Variants in IQUB observed in about 807,000 individuals in gnomAD.
IQUB encodes IQ motif and ubiquitin-like domain-containing protein.
A neutral mutation model predicts 86.4 loss-of-function variants in IQUB; 86 were observed. The observed-to-expected ratio is 1.00, with a 90% CI of 0.84 to 1.19. The LOEUF is 1.19. Among genes scored for constraint, IQUB ranks in the 50% most tolerant of loss-of-function variants. The pLI is 0.00. For synonymous variants in IQUB, 289 were observed against 304.5 expected (o/e 0.95, Z 0.53); for missense variants, 946 against 916.9 (o/e 1.03, Z -0.41).
At chr7:123,524,089 C>T (rs1327297790) in intron 1 of IQUB, among the ~76,000 whole-genome samples, 1 of 147,088 alleles carries the variant, frequency 6.8e-6, no homozygotes, top group Non-Finnish European at 1.5e-5. Context: ...CAGTACCATG[C>T]TGTTTTGGTT....
chr7:123,522,483 A>G lies in IQUB; in HGVS notation c.-4-10139T>C, dbSNP rs772915735. On this transcript the variant is annotated intron_variant, in intron 1 of 12. Coordinates refer to ENST00000324698, the MANE Select transcript of IQUB (RefSeq NM_178827.5). ...TCATATTCCACACTTGTGAAATGGG[A>G]TATTAGTAGTTTCAACATCAAAGTT... 4.6e-5 allele frequency among the ~76,000 whole-genome samples: 7 copies of G among 152,224 alleles called. No homozygotes were observed. In the East Asian group the frequency reaches 1.2e-3, roughly 25 times the overall value.
chr7:123,519,816 A>G (rs1796823266), intron 1 of IQUB, among the ~76,000 whole-genome samples: 1 of 152,242 alleles, frequency 6.6e-6, no homozygotes, highest in African/African-American at 2.4e-5. Flanking sequence ...CAGAACAAAG[A>G]AATGACAAGG....
In IQUB at chr7:123,452,945, A is replaced by G. The variant is rs777305947; in HGVS notation, c.2194-20T>C. Reference sequence around the variant, plus strand: ...ATATCCCTGCAAAGAAAAAAATCAAATTCTAGTAAATATCACAGATATATT... The same window carrying G: ...ATATCCCTGCAAAGAAAAAAATCAAGTTCTAGTAAATATCACAGATATATT... On this transcript the variant is annotated intron_variant, in intron 12 of 12. Transcript: ENST00000324698. The G allele has an allele frequency of 5.6e-5, 89 of 1,578,714 alleles. No individual in the cohort carries two copies. Among genetic ancestry groups the G allele is most frequent in the Non-Finnish European group, 6.9e-5 (80 of 1,157,542 alleles).
At chr7:123,523,483 T>C (rs1797014470) in intron 1 of IQUB, among the ~76,000 whole-genome samples, 1 of 152,190 alleles carries the variant, frequency 6.6e-6, no homozygotes, top group South Asian at 2.1e-4. Context: ...ATGTGTTTTT[T>C]GGCTGCATAA....
At chr7:123,524,546 A>T in intron 1 of IQUB, among the ~76,000 whole-genome samples, 1 of 147,048 alleles carries the variant, frequency 6.8e-6, no homozygotes, top group Non-Finnish European at 1.5e-5. Flanking sequence ...TTGTACATTG[A>T]TTTTGTATCC....
chr7:123,505,041 C>T (rs756111499), intron 3 of IQUB, among the ~76,000 whole-genome samples: 21 of 152,216 alleles, frequency 1.4e-4, no homozygotes, highest in Non-Finnish European at 2.9e-4. Context: ...AACAAAGGGG[C>T]TACACATCTC....
At chr7:123,524,389 G>T (rs1460505800) in intron 1 of IQUB, among the ~76,000 whole-genome samples, 2 of 150,536 alleles carry the variant, frequency 1.3e-5, no homozygotes, top group Non-Finnish European at 3.0e-5. Flanking sequence ...TTGAGCAGTG[G>T]TTTGTAGTTT....
chr7:123,505,290 C>G (rs1208124974), intron 3 of IQUB, among the ~76,000 whole-genome samples: 1 of 152,166 alleles, frequency 6.6e-6, no homozygotes, highest in Non-Finnish European at 1.5e-5. Context: ...ATCTACCATT[C>G]TGGAGTCTGG....
intron 1 of IQUB, among the ~76,000 whole-genome samples, chr7:123,533,900 C>T (rs1797648548): frequency 6.6e-6 from 1 of 152,198 alleles, no homozygotes; most frequent in South Asian, 2.1e-4. Context: ...CAACCTCTAT[C>T]ATGTTTGCAT....
chr7:123,511,980 A>G lies in IQUB; in HGVS notation c.361T>C (p.Ser121Pro), dbSNP rs757434119. 2 of 1,609,672 alleles carry G rather than the reference A, an allele frequency of 1.2e-6. No individual in the cohort carries two copies. Among genetic ancestry groups the G allele is most frequent in the Non-Finnish European group, 1.7e-6 (2 of 1,176,656 alleles). ...GAATCTTCCACTGATTCTTGCAAAG[A>G]TTCCTTTACAGACTTTATTTTATCC... ...FLDKIKSVKE[S>P]LQESVEDSLA... Residue 121 changes from serine to proline, a missense_variant, in exon 2 of 13, where the codon TCT becomes CCT. Ser to Pro is a moderately conservative substitution (Grantham distance 74). Transcript: ENST00000324698.
chr7:123,475,438 G>A (rs1210078046), intron 8 of IQUB, among the ~76,000 whole-genome samples: 1 of 136,054 alleles, frequency 7.4e-6, no homozygotes, highest in Non-Finnish European at 1.5e-5. Flanking sequence ...CACACCTCAT[G>A]AGAAAGGGTA....
Position 123,509,984 on chromosome 7 carries a change from A to T in IQUB, c.449T>A (p.Val150Asp). The change falls in exon 3 of 13, where the codon GTT (valine) becomes GAT (aspartate). Residue 150 changes from valine to aspartate, a missense_variant. Coordinates refer to ENST00000324698, the MANE Select transcript of IQUB (RefSeq NM_178827.5). Reference protein sequence around the residue: ...VGQEIVIPFKVDTILKYLKDH... With the variant: ...VGQEIVIPFKDDTILKYLKDH... The stretch of plus-strand genomic sequence containing the variant: ...CTTAAGATATTTAAGAATGGTATCA[A>T]CCTTAAAAGGTATTACAATTTCCTG... The T allele has an allele frequency of 6.3e-7, 1 of 1,598,468 alleles. No homozygotes were observed. The highest frequency in any genetic ancestry group is 2.2e-5 in the East Asian group (1 of 44,652).
chr7:123,515,435 T>A (rs1562871180), intron 1 of IQUB, among the ~76,000 whole-genome samples: 1 of 152,062 alleles, frequency 6.6e-6, no homozygotes, highest in South Asian at 2.1e-4. Context: ...AAATAATATT[T>A]AAAAAGGGTA....
intron 1 of IQUB, among the ~76,000 whole-genome samples, chr7:123,518,660 T>C (rs182401263): frequency 6.2e-4 from 94 of 152,324 alleles, no homozygotes; most frequent in African/African-American, 2.2e-3. Context: ...AGTGGTGCGA[T>C]CTCAGCTCAC....
At chr7:123,528,236 AC>A (rs1312933639) in intron 1 of IQUB, among the ~76,000 whole-genome samples, 1 of 152,076 alleles carries the variant, frequency 6.6e-6, no homozygotes, top group Non-Finnish European at 1.5e-5. Flanking sequence ...AGTGAGATGA[AC>A]CCTGTACCTC....
intron 8 of IQUB, among the ~76,000 whole-genome samples, chr7:123,477,792 G>T (rs566885957): frequency 7.7e-4 from 117 of 152,270 alleles, no homozygotes; most frequent in African/African-American, 2.8e-3. Flanking sequence ...GATATGAAGA[G>T]ACATTTCTCA....
rs1054709684 is a variant in IQUB at position 123,452,691 on chromosome 7, C to T, written c.*52G>A. On this transcript the variant is annotated 3_prime_UTR_variant, in exon 13 of 13. Coordinates refer to ENST00000324698, the MANE Select transcript of IQUB (RefSeq NM_178827.5). ...CCATACTCTGTGACCTCTGTATTAC[C>T]CTATTAGCAGTGAACAAAATGCCGA... 3.6e-5 allele frequency: 45 copies of T among 1,245,590 alleles called. No homozygotes were observed. The African/African-American group carries it at 6.1e-4, about 17-fold the overall frequency. 77.2% of individuals were successfully genotyped at this position (1,245,590 alleles called of 1,614,324 possible). A position where few individuals can be genotyped will look rare whatever the true frequency, so the allele number is the denominator to read the frequency against.
Position 123,512,043 on chromosome 7 carries a change from C to G in IQUB, c.298G>C (p.Ala100Pro), listed in dbSNP as rs746642187. The change falls in exon 2 of 13, where the codon GCA becomes CCA. Residue 100 changes from alanine to proline, a missense_variant. By Grantham distance (27) the Ala-to-Pro change is conservative (BLOSUM62 -1). Coordinates refer to ENST00000324698, the MANE Select transcript of IQUB (RefSeq NM_178827.5). Reference sequence around the variant, plus strand: ...CTATCATCATTTGGCCTCTGCATTGCATATTGCTTTTCATGATGTTGCGGA... The same window carrying G: ...CTATCATCATTTGGCCTCTGCATTGGATATTGCTTTTCATGATGTTGCGGA... ...YTPQHHEKQY[A>P]MQRPNDDSLA... 18 of 1,613,754 alleles carry G rather than the reference C, an allele frequency of 1.1e-5. No individual in the cohort carries two copies. The highest frequency in any genetic ancestry group is 1.5e-5 in the Non-Finnish European group (18 of 1,179,698).
At chr7:123,530,273 T>C (rs1310032787) in intron 1 of IQUB, among the ~76,000 whole-genome samples, 2 of 145,594 alleles carry the variant, frequency 1.4e-5, no homozygotes, top group Non-Finnish European at 3.0e-5. Context: ...CCGTCTCTAC[T>C]AAAATACAAA....
Sources: allele counts gnomAD v4.1 joint callset (sites outside exome capture counted in the v4.1 genomes callset), GRCh38; gene constraint gnomAD v4.1.1; transcripts MANE v1.5; gene names NCBI Gene and HGNC (gene_info 2026-07-23, HGNC 2026-07-21).